Variants in QTMAN observed in about 807,000 individuals in gnomAD.
QTMAN encodes queuosine-tRNA mannosyltransferase.
the QTMAN span, among the ~76,000 whole-genome samples, chr2:143,949,590 G>A: frequency 6.6e-6 from 1 of 151,856 alleles, no homozygotes. Context: ...GATCTTAGAA[G>A]CATATGTTTT....
the QTMAN span, among the ~76,000 whole-genome samples, chr2:144,123,536 C>T: frequency 6.6e-6 from 1 of 151,964 alleles, no homozygotes; most frequent in South Asian, 2.1e-4. Context: ...TCCACATGGC[C>T]CATCATCAAA....
the QTMAN span, among the ~76,000 whole-genome samples, chr2:144,320,689 T>C: frequency 1.3e-5 from 2 of 152,186 alleles, no homozygotes; most frequent in Non-Finnish European, 2.9e-5. Context: ...ATCAGTCTAG[T>C]CTGGCAGTAT....
At chr2:144,045,863 G>A in the QTMAN span, among the ~76,000 whole-genome samples, 17 of 152,130 alleles carry the variant, frequency 1.1e-4, no homozygotes, top group African/African-American at 3.6e-4. Flanking sequence ...AGGCAAAGGG[G>A]GTTTTTGTCA....
chr2:144,003,941 G>A, the QTMAN span, among the ~76,000 whole-genome samples: 2 of 151,942 alleles, frequency 1.3e-5, no homozygotes, highest in South Asian at 2.1e-4. Context: ...ATGATTTCAT[G>A]GGCATATTTT....
At chr2:144,034,318 G>A in the QTMAN span, among the ~76,000 whole-genome samples, 1 of 152,170 alleles carries the variant, frequency 6.6e-6, no homozygotes, top group African/African-American at 2.4e-5. Context: ...TTTCATCCAT[G>A]TGTACACACA....
chr2:144,292,202 A>G, the QTMAN span, among the ~76,000 whole-genome samples: 1 of 152,212 alleles, frequency 6.6e-6, no homozygotes, highest in South Asian at 2.1e-4. Flanking sequence ...ACACCCTTAC[A>G]AGATCATCAA....
the QTMAN span, among the ~76,000 whole-genome samples, chr2:144,010,943 G>A: frequency 1.3e-5 from 2 of 152,174 alleles, no homozygotes; most frequent in South Asian, 4.2e-4. Flanking sequence ...ATTAGCTCAT[G>A]GAATCAATTC....
the QTMAN span, among the ~76,000 whole-genome samples, chr2:143,984,733 G>C: frequency 7.9e-5 from 12 of 152,168 alleles, no homozygotes; most frequent in Admixed American, 6.5e-5. Flanking sequence ...TCTGAACATC[G>C]AGAGGAGAAG....
At chr2:143,971,240 AG>A in the QTMAN span, among the ~76,000 whole-genome samples, 1 of 151,902 alleles carries the variant, frequency 6.6e-6, no homozygotes, top group Non-Finnish European at 1.5e-5. Flanking sequence ...ACATTTACTG[AG>A]CTCCTTTGTG....
chr2:144,045,359 T>C, the QTMAN span, among the ~76,000 whole-genome samples: 1 of 152,228 alleles, frequency 6.6e-6, no homozygotes, highest in Non-Finnish European at 1.5e-5. Context: ...ACTTTTATTT[T>C]GCCAATAAGA....
the QTMAN span, among the ~76,000 whole-genome samples, chr2:143,998,435 G>T: frequency 3.4e-4 from 52 of 150,986 alleles, no homozygotes; most frequent in South Asian, 3.0e-3. Context: ...ACGACAGAAG[G>T]GGGGGGAAAG....
the QTMAN span, among the ~76,000 whole-genome samples, chr2:144,220,495 G>C: frequency 6.6e-6 from 1 of 152,118 alleles, no homozygotes; most frequent in Non-Finnish European, 1.5e-5. Flanking sequence ...TTTTCAAGGA[G>C]ACATTCCAAT....
the QTMAN span, among the ~76,000 whole-genome samples, chr2:144,152,582 A>T: frequency 2.0e-5 from 3 of 152,316 alleles, no homozygotes; most frequent in Non-Finnish European, 2.9e-5. Context: ...TTTTTATTGC[A>T]TACATTTAAA....
At chr2:143,991,619 C>T in the QTMAN span, among the ~76,000 whole-genome samples, 1 of 144,730 alleles carries the variant, frequency 6.9e-6, no homozygotes, top group Non-Finnish European at 1.5e-5. Context: ...GGCGCCTCTG[C>T]CCGGCCGCCC....
At chr2:144,193,544 A>C in the QTMAN span, among the ~76,000 whole-genome samples, 3 of 150,790 alleles carry the variant, frequency 2.0e-5, no homozygotes, top group African/African-American at 7.3e-5. Flanking sequence ...GTAAAGAGAG[A>C]AGGTCTCGCT....
chr2:144,007,650 T>C, the QTMAN span: 1 of 670,530 alleles, frequency 1.5e-6, no homozygotes, highest in East Asian at 3.0e-5. Context: ...AAAATAAAGA[T>C]GTTATACAAA....
At chr2:144,052,110 A>C in the QTMAN span, among the ~76,000 whole-genome samples, 1 of 152,206 alleles carries the variant, frequency 6.6e-6, no homozygotes, top group Non-Finnish European at 1.5e-5. Context: ...GTGCCAGCAC[A>C]TTGTAGGCCC....
At chr2:144,173,592 C>A in the QTMAN span, among the ~76,000 whole-genome samples, 1 of 152,166 alleles carries the variant, frequency 6.6e-6, no homozygotes, top group Non-Finnish European at 1.5e-5. Context: ...AAGACCACAG[C>A]CCTGACATAA....
the QTMAN span, among the ~76,000 whole-genome samples, chr2:144,002,023 A>G: frequency 0.023 from 3,440 of 151,996 alleles, 48 homozygotes; most frequent in Non-Finnish European, 0.036. Context: ...TTTCATAAGG[A>G]TAACTAAAGA....
Sources: gnomAD v4.1 joint callset for allele counts (sites outside exome capture counted in the v4.1 genomes callset) on GRCh38, gnomAD v4.1.1 for gene constraint, MANE v1.5 for transcripts, NCBI Gene and HGNC (gene_info 2026-07-23, HGNC 2026-07-21) for gene names.